Variants in NCAPD3 observed in about 807,000 individuals in gnomAD.
NCAPD3 encodes the protein non-SMC condensin II complex subunit D3.
NCAPD3 carries 105 observed loss-of-function variants against 182.9 expected under a neutral mutation model. The ratio of observed to expected loss-of-function variants is 0.57; its 90% CI spans 0.49 to 0.68. NCAPD3 has a LOEUF of 0.68. Among genes scored for constraint, NCAPD3 ranks in the 30% least tolerant of loss-of-function variants. The pLI is 0.00. For synonymous variants in NCAPD3, 815 were observed against 679.9 expected (o/e 1.20, Z -3.09); for missense variants, 1,944 against 1,837.0 (o/e 1.06, Z -1.07).
chr11:134,164,774 G>A (rs1431322664), intron 27 of NCAPD3, among the ~76,000 whole-genome samples: 1 of 151,490 alleles, frequency 6.6e-6, no homozygotes, highest in Non-Finnish European at 1.5e-5. Flanking sequence ...GCTTGGGGGA[G>A]CTGCACACTC....
chr11:134,197,725 T>C (rs1277670706), intron 13 of NCAPD3, among the ~76,000 whole-genome samples: 2 of 152,188 alleles, frequency 1.3e-5, no homozygotes, highest in African/African-American at 4.8e-5. Flanking sequence ...GAATGAAATG[T>C]CAACCTGTGA....
intron 2 of NCAPD3, 121 bp from the exon 3 acceptor site, chr11:134,217,219 A>G: frequency 1.2e-6 from 1 of 816,656 alleles, no homozygotes; most frequent in Non-Finnish European, 1.7e-6. Flanking sequence ...CCTGGCTCCT[A>G]CTGCTAAATG....
intron 29 of NCAPD3, 70 bp downstream of exon 29, chr11:134,159,819 CAGA>C: frequency 2.2e-6 from 3 of 1,354,750 alleles, no homozygotes; most frequent in Non-Finnish European, 3.0e-6. Context: ...TGAGAGGTGC[CAGA>C]CAAACGACAG....
Position 134,181,173 on chromosome 11 carries a change from C to G in NCAPD3, c.2463G>C (p.Thr821=), listed in dbSNP as rs146594556. ...ETPAEEQELL[T]QVCGDVLSTC... is the part of the protein sequence containing the mutation. ...TGGAGAGTACATCCCCACACACCTG[C>G]GTCAGCAATTCCTACGGCAAGTCAA... The change falls in exon 20 of 35, where the codon ACG becomes ACC. Residue 821 remains threonine (T), a synonymous_variant. Transcript: ENST00000534548. 1.9e-6 allele frequency: 3 copies of G among 1,613,516 alleles called. No individual in the cohort carries two copies. The Admixed American group carries it at 5.0e-5, about 27-fold the overall frequency.
Position 134,163,888 on chromosome 11 carries a change from A to G in NCAPD3, c.3574-1997T>C, listed in dbSNP as rs575029886. ...TTCTGTCTCAAAAAAAAAAAAAAAA[A>G]AAAAGAAAAAGAAAGAAAGACTGCT... On this transcript the variant is annotated intron_variant, in intron 27 of 34. Transcript: ENST00000534548. Among the ~76,000 whole-genome samples the G allele has an allele frequency of 3.9e-4, 59 of 150,320 alleles. 1 individual carries two copies. Among genetic ancestry groups the G allele is most frequent in the Middle Eastern group, 3.4e-3 (1 of 290 alleles).
intron 19 of NCAPD3, among the ~76,000 whole-genome samples, chr11:134,184,435 C>T (rs986126470): frequency 1.6e-4 from 25 of 152,204 alleles, no homozygotes; most frequent in Non-Finnish European, 2.8e-4. Flanking sequence ...TCTAAGGGTG[C>T]CGTGTCTCTT....
chr11:134,203,556 T>A (rs1944791907), intron 11 of NCAPD3, 98 bp downstream of exon 11: 4 of 1,450,398 alleles, frequency 2.8e-6, no homozygotes, highest in Non-Finnish European at 3.7e-6. Context: ...GATCATGCCA[T>A]ACCTATTACT....
At position 134,212,375 on chromosome 11, in the gene NCAPD3, T is replaced by TGTGTGTGTGTGTG. The variant is rs1937866526; in HGVS notation, c.383-1922_383-1921insCACACACACACAC. On this transcript the variant is annotated intron_variant, in intron 3 of 34. Coordinates refer to ENST00000534548, the MANE Select transcript of NCAPD3 (RefSeq NM_015261.3). ...AAAGGAAAATATACTTTTTGTTGTT[T>TGTGTGTGTGTGTG]TGTGTGTGTGTGTGTGTGTGTGTGT... Among the ~76,000 whole-genome samples, 464 of 143,268 alleles carry TGTGTGTGTGTGTG rather than the reference T, an allele frequency of 3.2e-3. 2 individuals are homozygous for TGTGTGTGTGTGTG. The highest frequency in any genetic ancestry group is 0.011 in the African/African-American group (415 of 37,818). The allele number at this position is 143,268 out of a possible 152,430, so 94.0% of individuals were successfully genotyped here.
At chr11:134,200,914 A>T (rs1944733748) in intron 13 of NCAPD3, among the ~76,000 whole-genome samples, 1 of 152,220 alleles carries the variant, frequency 6.6e-6, no homozygotes, top group African/African-American at 2.4e-5. Flanking sequence ...TGAAGTACTG[A>T]TAGATGCTAT....
intron 1 of NCAPD3, among the ~76,000 whole-genome samples, chr11:134,222,451 A>G (rs2136037000): frequency 6.6e-6 from 1 of 152,364 alleles, no homozygotes; most frequent in South Asian, 2.1e-4. Flanking sequence ...ATTTTGAGTC[A>G]GAACGAGGCA....
At chr11:134,184,250 A>T (rs1944352653) in intron 19 of NCAPD3, among the ~76,000 whole-genome samples, 1 of 152,252 alleles carries the variant, frequency 6.6e-6, no homozygotes, top group South Asian at 2.1e-4. Flanking sequence ...TCAGAAGGTC[A>T]GAAACCTGTT....
chr11:134,167,231 G>A (rs77231177), intron 27 of NCAPD3, among the ~76,000 whole-genome samples: 8 of 134,156 alleles, frequency 6.0e-5, no homozygotes, highest in African/African-American at 1.4e-4. Context: ...AGATGAGCTT[G>A]GGGGAGGCGC....
rs1944194846 is a variant in NCAPD3, at chr11:134,177,362, T to C, written c.2878A>G (p.Asn960Asp). 6.2e-7 allele frequency: 1 copy of C among 1,614,140 alleles called. No homozygotes were observed. ...AGATCGCACATTACAATGATGACGT[T>C]GTTGCGGACAGCCACGTCCTCACAC... Reference protein sequence around the residue: ...EVCEDVAVRNNVIIVMCDLCI... With the variant: ...EVCEDVAVRNDVIIVMCDLCI... Residue 960 changes from asparagine to aspartate, a missense_variant, in exon 23 of 35, where the codon AAC becomes GAC. Coordinates refer to ENST00000534548, the MANE Select transcript of NCAPD3 (RefSeq NM_015261.3).
intron 32 of NCAPD3, among the ~76,000 whole-genome samples, chr11:134,154,905 T>C (rs1943377080): frequency 6.6e-6 from 1 of 152,238 alleles, no homozygotes; most frequent in African/African-American, 2.4e-5. Context: ...TCATCACTGC[T>C]AGATCTGCTT....
chr11:134,168,768 C>T (rs900070316), intron 25 of NCAPD3, 149 bp downstream of exon 25: 2 of 1,353,666 alleles, frequency 1.5e-6, no homozygotes, highest in African/African-American at 2.9e-5. Flanking sequence ...ATTCTCACGA[C>T]TGTATTTTCT....
intron 13 of NCAPD3, among the ~76,000 whole-genome samples, chr11:134,199,189 T>C (rs1351735638): frequency 6.6e-6 from 1 of 152,168 alleles, no homozygotes; most frequent in East Asian, 1.9e-4. Flanking sequence ...TGATTTAAAA[T>C]TGACTATCAC....
chr11:134,197,983 T>C lies in NCAPD3; in HGVS notation c.1616-3245A>G, dbSNP rs557165636. Among the ~76,000 whole-genome samples, 83 of 152,080 alleles carry C rather than the reference T, an allele frequency of 5.5e-4. No homozygotes were observed. The Middle Eastern group carries it at 0.017, about 31-fold the overall frequency. ...TAAGTAAAGAAAAAAGACAAAGAAGTCTACTCTTTGACTTCTTTTCAACAT... is the reference window on the plus strand; with the variant it reads ...TAAGTAAAGAAAAAAGACAAAGAAGCCTACTCTTTGACTTCTTTTCAACAT... On this transcript the variant is annotated intron_variant, in intron 13 of 34. Transcript: ENST00000534548.
intron 31 of NCAPD3, among the ~76,000 whole-genome samples, chr11:134,157,487 C>T (rs1423549875): frequency 1.3e-5 from 2 of 152,132 alleles, no homozygotes; most frequent in Admixed American, 6.5e-5. Context: ...TTTCAAAGAA[C>T]AGGATAGTAA....
At chr11:134,167,650 G>A (rs1943886216) in intron 27 of NCAPD3, among the ~76,000 whole-genome samples, 2 of 141,816 alleles carry the variant, frequency 1.4e-5, no homozygotes, top group Admixed American at 1.4e-4. Context: ...GATGAGCTTG[G>A]GGGAGCAGCA....
Sources: gnomAD v4.1 joint callset for allele counts (sites outside exome capture counted in the v4.1 genomes callset) on GRCh38, gnomAD v4.1.1 for gene constraint, MANE v1.5 for transcripts, NCBI Gene and HGNC (gene_info 2026-07-23, HGNC 2026-07-21) for gene names.